The following RABGAP1L variants were observed in gnomAD, a reference collection of about 807,000 sequenced individuals.
RABGAP1L encodes the protein rab GTPase-activating protein 1-like.
RABGAP1L carries 63 observed loss-of-function variants against 137.7 expected under a neutral mutation model. The ratio of observed to expected loss-of-function variants is 0.46; its 90% CI spans 0.37 to 0.56. The LOEUF is 0.56. Ranked by LOEUF, RABGAP1L falls within the 20% of genes least tolerant of loss-of-function variation. The probability of loss-of-function intolerance (pLI) is 0.00; values close to 1 mark genes in which losing one functional copy is unlikely to be tolerated. For synonymous variants in RABGAP1L, 431 were observed against 433.7 expected (o/e 0.99, Z 0.08); for missense variants, 1,095 against 1,244.0 (o/e 0.88, Z 1.80).
At chr1:174,489,447 A>G (rs1406293009) in intron 13 of RABGAP1L, among the ~76,000 whole-genome samples, 1 of 152,210 alleles carries the variant, frequency 6.6e-6, no homozygotes, top group East Asian at 1.9e-4. Context: ...ATCACTGGCC[A>G]TCAGAGAAAT....
rs146114359 is a variant in RABGAP1L, at chr1:174,347,471, T to TTG, written c.1466-23480_1466-23479dup. On this transcript the variant is annotated intron_variant, in intron 11 of 25. Transcript: ENST00000681986. ...TTTATCATTACATAGTGACCCCTCT[T>TTG]TGTGTGTGTGTGTGTGTGTGTGTGT... Among the ~76,000 whole-genome samples the TTG allele has an allele frequency of 5.2e-3, 218 of 42,156 alleles. 2 individuals are homozygous for TTG. Among genetic ancestry groups the TTG allele is most frequent in the African/African-American group, 0.026 (173 of 6,698 alleles). 27.7% of individuals were successfully genotyped at this position (42,156 alleles called of 152,430 possible).
At chr1:174,219,096 T>G (rs1669558908) in intron 1 of RABGAP1L, 29 bp from the exon 2 acceptor site, 1 of 1,457,668 alleles carries the variant, frequency 6.9e-7, no homozygotes, top group Non-Finnish European at 9.3e-7. Flanking sequence ...TCAGTAGGTT[T>G]TTTTTTTTAA....
At chr1:174,712,422 C>T (rs544241183) in intron 17 of RABGAP1L, among the ~76,000 whole-genome samples, 1 of 152,280 alleles carries the variant, frequency 6.6e-6, no homozygotes, top group Admixed American at 6.5e-5. Flanking sequence ...GACGCGCCAC[C>T]TTTAAGAACT....
chr1:174,974,591 T>C (rs1026299375), intron 21 of RABGAP1L, among the ~76,000 whole-genome samples: 6 of 152,306 alleles, frequency 3.9e-5, no homozygotes, highest in South Asian at 2.1e-4. Context: ...TGTTAGATTT[T>C]CCCCCCTAAA....
chr1:174,328,524 C>T (rs1304172138), intron 11 of RABGAP1L, among the ~76,000 whole-genome samples: 2 of 152,136 alleles, frequency 1.3e-5, no homozygotes, highest in African/African-American at 4.8e-5. Flanking sequence ...AATCCTAGCA[C>T]TTTGGGAGGC....
Position 174,541,442 on chromosome 1 carries a change from C to T in RABGAP1L, c.1711-95933C>T, listed in dbSNP as rs573553360. 2.0e-3 allele frequency among the ~76,000 whole-genome samples: 304 copies of T among 152,194 alleles called. 1 individual carries two copies. The highest frequency in any genetic ancestry group is 7.5e-3 in the South Asian group (36 of 4,810). On this transcript the variant is annotated intron_variant, in intron 13 of 25. Coordinates refer to ENST00000681986, the MANE Select transcript of RABGAP1L (RefSeq NM_001366446.1). Reference sequence around the variant, plus strand: ...GGCTGTGGGTTTGTCATAAATAGCTCTTATTATTTTGAGATATGTCCCATC... The same window carrying T: ...GGCTGTGGGTTTGTCATAAATAGCTTTTATTATTTTGAGATATGTCCCATC...
intron 19 of RABGAP1L, among the ~76,000 whole-genome samples, chr1:174,844,138 G>A (rs1407140142): frequency 1.5e-4 from 22 of 148,918 alleles, no homozygotes; most frequent in African/African-American, 4.5e-4. Flanking sequence ...TTTGTCAGAT[G>A]AGTAGGTTGC....
At chr1:174,931,904 T>G (rs912377577) in intron 19 of RABGAP1L, among the ~76,000 whole-genome samples, 1 of 152,126 alleles carries the variant, frequency 6.6e-6, no homozygotes, top group Admixed American at 6.6e-5. Flanking sequence ...CCTTCCATTT[T>G]GTACCTAGGG....
intron 17 of RABGAP1L, among the ~76,000 whole-genome samples, chr1:174,732,261 T>C (rs1399798012): frequency 1.3e-5 from 2 of 150,810 alleles, no homozygotes; most frequent in African/African-American, 4.9e-5. Flanking sequence ...TTTAAGCCAA[T>C]ACCCCTTATT....
At chr1:174,613,447 T>A (rs1447534354) in intron 13 of RABGAP1L, among the ~76,000 whole-genome samples, 1 of 152,162 alleles carries the variant, frequency 6.6e-6, no homozygotes, top group African/African-American at 2.4e-5. Flanking sequence ...TCTGTTCTTT[T>A]ACATTTGCTG....
chr1:174,873,950 C>T (rs772300171), intron 19 of RABGAP1L, among the ~76,000 whole-genome samples: 8 of 152,112 alleles, frequency 5.3e-5, no homozygotes, highest in Non-Finnish European at 7.4e-5. Context: ...ATTTTTGTTT[C>T]GGCTGTCTCT....
intron 13 of RABGAP1L, among the ~76,000 whole-genome samples, chr1:174,526,796 A>T (rs1257434115): frequency 6.6e-6 from 1 of 151,330 alleles, no homozygotes; most frequent in African/African-American, 2.4e-5. Flanking sequence ...TTGATGCTTT[A>T]TATTGCTTTT....
At chr1:174,900,449 G>A (rs1657955142) in intron 19 of RABGAP1L, among the ~76,000 whole-genome samples, 1 of 152,212 alleles carries the variant, frequency 6.6e-6, no homozygotes, top group South Asian at 2.1e-4. Flanking sequence ...CTTGGTGTGT[G>A]TGGTCTATGT....
At chr1:174,415,984 A>C (rs2149145087) in intron 13 of RABGAP1L, among the ~76,000 whole-genome samples, 1 of 148,576 alleles carries the variant, frequency 6.7e-6, no homozygotes, top group Non-Finnish European at 1.5e-5. Flanking sequence ...CAGAACCTTA[A>C]ATTAAGTACT....
chr1:174,195,643 T>TCCTA (rs1289701445), intron 1 of RABGAP1L, among the ~76,000 whole-genome samples: 1 of 89,744 alleles, frequency 1.1e-5, no homozygotes, highest in Non-Finnish European at 2.1e-5. Context: ...CTTCCTTCCT[T>TCCTA]CCTTCCTTCC....
intron 13 of RABGAP1L, among the ~76,000 whole-genome samples, chr1:174,611,409 G>A (rs1028092573): frequency 1.3e-4 from 20 of 151,960 alleles, no homozygotes; most frequent in East Asian, 3.9e-4. Context: ...TGTTCCATTG[G>A]TCTATATCTC....
At chr1:174,626,703 G>A (rs761938468) in intron 13 of RABGAP1L, among the ~76,000 whole-genome samples, 1 of 152,128 alleles carries the variant, frequency 6.6e-6, no homozygotes, top group Non-Finnish European at 1.5e-5. Flanking sequence ...CAATGATCCA[G>A]CCCTTTTGTA....
chr1:174,307,633 G>A (rs573045981), intron 11 of RABGAP1L, among the ~76,000 whole-genome samples: 1 of 152,248 alleles, frequency 6.6e-6, no homozygotes, highest in Admixed American at 6.5e-5. Context: ...ATTGATACAT[G>A]ATATAGCAGG....
intron 21 of RABGAP1L, among the ~76,000 whole-genome samples, chr1:174,973,607 A>C (rs1430583425): frequency 6.6e-6 from 1 of 150,964 alleles, no homozygotes; most frequent in Non-Finnish European, 1.5e-5. Context: ...CTGATCCCGA[A>C]CTCCTGGCTT....
Sources: gnomAD v4.1 joint callset for allele counts (sites outside exome capture counted in the v4.1 genomes callset) on GRCh38, gnomAD v4.1.1 for gene constraint, MANE v1.5 for transcripts, NCBI Gene and HGNC (gene_info 2026-07-23, HGNC 2026-07-21) for gene names.